The following SLC26A3 variants were observed in gnomAD, a reference collection of about 807,000 sequenced individuals.
The protein encoded by SLC26A3 is chloride anion exchanger.
A neutral mutation model predicts 85.6 loss-of-function variants in SLC26A3; 64 were observed. The observed-to-expected ratio is 0.75, with a 90% CI of 0.61 to 0.92. SLC26A3 has a LOEUF of 0.92. SLC26A3 is among the 40% of genes least tolerant of loss of function. The probability of loss-of-function intolerance (pLI) is 0.00; values close to 1 mark genes in which losing one functional copy is unlikely to be tolerated. For missense variants in SLC26A3, 922 were observed against 927.3 expected (o/e 0.99, Z 0.07); for synonymous variants, 349 against 336.0 (o/e 1.04, Z -0.42).
At chr7:107,799,309 G>T (rs981558236) in intron 1 of SLC26A3, among the ~76,000 whole-genome samples, 22 of 152,192 alleles carry the variant, frequency 1.4e-4, no homozygotes, top group Non-Finnish European at 8.8e-5. Flanking sequence ...AGCACACCAG[G>T]TTTCAAATCC....
In SLC26A3 at chr7:107,765,884, A is replaced by T; in HGVS notation, c.2272-6T>A. The stretch of plus-strand genomic sequence containing the variant: ...AATTTTGTTTCAACTGGCACCTGGA[A>T]GAAGACAGAAAGTTCTTGTTTTAAA... On this transcript the variant is annotated splice_polypyrimidine_tract_variant and splice_region_variant and intron_variant, in intron 20 of 20. Coordinates refer to ENST00000340010, the MANE Select transcript of SLC26A3 (RefSeq NM_000111.3). The T allele has an allele frequency of 6.2e-7, 1 of 1,609,654 alleles. No individual in the cohort carries two copies. Among genetic ancestry groups the T allele is most frequent in the Non-Finnish European group, 8.5e-7 (1 of 1,176,294 alleles).
chr7:107,790,757 A>G (rs1025679749), intron 5 of SLC26A3, among the ~76,000 whole-genome samples: 1 of 152,042 alleles, frequency 6.6e-6, no homozygotes, highest in African/African-American at 2.4e-5. Flanking sequence ...TCTTGACTCT[A>G]TCAATTCCCA....
At chr7:107,784,071 G>A (rs1794253129) in intron 8 of SLC26A3, among the ~76,000 whole-genome samples, 1 of 152,148 alleles carries the variant, frequency 6.6e-6, no homozygotes, top group Non-Finnish European at 1.5e-5. Flanking sequence ...ACTCCTATAA[G>A]CATATATTTC....
rs1395417660 is a variant in SLC26A3 at position 107,783,223 on chromosome 7, A to T, written c.1101T>A (p.Tyr367Ter). 2 of 1,614,204 alleles carry T rather than the reference A, an allele frequency of 1.2e-6. No homozygotes were observed. The highest frequency in any genetic ancestry group is 1.3e-5 in the African/African-American group (1 of 75,062). The change falls in exon 9 of 21, where the codon TAT (tyrosine) becomes TAA (stop). Residue 367 changes from tyrosine to a stop codon, truncating the protein, a stop_gained. Coordinates refer to ENST00000340010, the MANE Select transcript of SLC26A3 (RefSeq NM_000111.3). LOFTEE classifies it high-confidence loss of function. ...TACTTACCTGATTGCCATCAAGTGG[A>T]TAATCGTATTTGAGGGAATAGACGC... ...VASVYSLKYD[Y>*]PLDGNQELIA... is the part of the protein sequence containing the mutation.
chr7:107,772,563 A>G (rs1794044492), intron 17 of SLC26A3, among the ~76,000 whole-genome samples: 1 of 152,186 alleles, frequency 6.6e-6, no homozygotes, highest in Non-Finnish European at 1.5e-5. Context: ...TCTGGTCTCT[A>G]GGCTAAGAAC....
chr7:107,777,226 A>T (rs1794131693), intron 13 of SLC26A3, among the ~76,000 whole-genome samples: 1 of 152,220 alleles, frequency 6.6e-6, no homozygotes, highest in East Asian at 1.9e-4. Context: ...CCCAGGAAGC[A>T]TCTTTTTCTG....
intron 6 of SLC26A3, among the ~76,000 whole-genome samples, chr7:107,789,019 G>T (rs955047522): frequency 1.3e-5 from 2 of 151,148 alleles, no homozygotes; most frequent in African/African-American, 4.9e-5. Flanking sequence ...CTGGGTTCAG[G>T]TGTCAAGTGA....
At chr7:107,766,137 ATG>A (rs1390425913) in intron 20 of SLC26A3, among the ~76,000 whole-genome samples, 2 of 152,198 alleles carry the variant, frequency 1.3e-5, no homozygotes, top group African/African-American at 4.8e-5. Context: ...CCAAAGGACT[ATG>A]TGTGTTGGCC....
intron 1 of SLC26A3, among the ~76,000 whole-genome samples, chr7:107,796,882 G>A (rs1794511647): frequency 6.6e-6 from 1 of 151,554 alleles, no homozygotes; most frequent in Non-Finnish European, 1.5e-5. Context: ...CTTTACTCAT[G>A]CTTTCCTCAA....
chr7:107,783,502 T>C, intron 8 of SLC26A3, 150 bp from the exon 9 acceptor site: 1 of 907,354 alleles, frequency 1.1e-6, no homozygotes, highest in Admixed American at 2.2e-5. Context: ...ACTAACAATT[T>C]TGCAATCTGC....
At position 107,776,514 on chromosome 7, in the gene SLC26A3, T is replaced by G; in HGVS notation, c.1615A>C (p.Arg539=). ...MYEPEGVKIF[R]CPSPIYFANI... ...GCAAAGTAGATAGGAGATGGACATC[T>G]GAAAATTTTCACTCCTTCTGGCTCA... The change falls in exon 15 of 21, where the codon AGA becomes CGA. Residue 539 remains arginine (R), a synonymous_variant. Transcript: ENST00000340010. 1 of 1,614,152 alleles carries G rather than the reference T, an allele frequency of 6.2e-7. No homozygotes were observed. Among genetic ancestry groups the G allele is most frequent in the South Asian group, 1.1e-5 (1 of 91,086 alleles).
chr7:107,787,274 A>T, intron 7 of SLC26A3, 83 bp downstream of exon 7: 1 of 1,488,218 alleles, frequency 6.7e-7, no homozygotes, highest in Non-Finnish European at 9.4e-7. Context: ...CCCCACTAAA[A>T]CTTCCTGAGC....
intron 1 of SLC26A3, among the ~76,000 whole-genome samples, chr7:107,796,804 G>A (rs1343607887): frequency 3.3e-5 from 5 of 151,520 alleles, no homozygotes; most frequent in African/African-American, 1.2e-4. Context: ...CTTCAGCACT[G>A]TGCATTTGTA....
rs1348824018 is a variant in SLC26A3 at position 107,774,292 on chromosome 7, C to CT, written c.1774-140dup. 3 of 741,304 alleles carry CT rather than the reference C, an allele frequency of 4.0e-6. No homozygotes were observed. The African/African-American group carries it at 5.2e-5, about 13-fold the overall frequency. 45.9% of individuals were successfully genotyped at this position (741,304 alleles called of 1,614,324 possible). On this transcript the variant is annotated intron_variant, in intron 16 of 20. Transcript: ENST00000340010. ...TTGGACTAGGTGTGGTGGCTCATGCCTGTCATCCCAGCACTTTAGGAAACT... is the reference window on the plus strand; with the variant it reads ...TTGGACTAGGTGTGGTGGCTCATGCCTTGTCATCCCAGCACTTTAGGAAACT...
At chr7:107,781,002 C>G (rs1029475003) in intron 11 of SLC26A3, among the ~76,000 whole-genome samples, 1 of 152,140 alleles carries the variant, frequency 6.6e-6, no homozygotes, top group Admixed American at 6.5e-5. Context: ...TAAAATATGT[C>G]AAGAGACACC....
intron 1 of SLC26A3, among the ~76,000 whole-genome samples, chr7:107,798,655 G>A (rs1386172662): frequency 6.6e-6 from 1 of 152,144 alleles, no homozygotes; most frequent in African/African-American, 2.4e-5. Flanking sequence ...CCCCTCCGCA[G>A]TCACATTAGA....
intron 12 of SLC26A3, 60 bp downstream of exon 12, chr7:107,779,608 A>G: frequency 7.7e-7 from 1 of 1,295,196 alleles, no homozygotes; most frequent in African/African-American, 1.5e-5. Flanking sequence ...TGCATTTCAC[A>G]TTAGCATTAA....
chr7:107,785,894 AAAAACAAAAC>A (rs531907273), intron 8 of SLC26A3, among the ~76,000 whole-genome samples: 5 of 152,212 alleles, frequency 3.3e-5, no homozygotes, highest in African/African-American at 9.6e-5. Flanking sequence ...AGTCTTTTAA[AAAAACAAAAC>A]AAAACAAAAC....
At chr7:107,776,565 G>T (rs1191720176) in intron 14 of SLC26A3, 21 bp from the exon 15 acceptor site, 1 of 1,610,080 alleles carries the variant, frequency 6.2e-7, no homozygotes, top group Non-Finnish European at 8.5e-7. Flanking sequence ...GAGAAGCATT[G>T]TTAGGTGTTG....
Sources: allele counts gnomAD v4.1 joint callset (sites outside exome capture counted in the v4.1 genomes callset), GRCh38; gene constraint gnomAD v4.1.1; transcripts MANE v1.5; gene names NCBI Gene and HGNC (gene_info 2026-07-23, HGNC 2026-07-21).